PGGT1B: variants seen among roughly 807,000 people sequenced by gnomAD.
PGGT1B encodes the protein protein geranylgeranyltransferase type I subunit beta, also known as geranylgeranyl transferase type-1 subunit beta.
PGGT1B carries 30 observed loss-of-function variants against 46.1 expected under a neutral mutation model. The ratio of observed to expected loss-of-function variants is 0.65; its 90% CI spans 0.49 to 0.88. PGGT1B has a LOEUF of 0.88. PGGT1B is among the 40% of genes least tolerant of loss of function. The pLI is 0.00. For missense variants in PGGT1B, 376 were observed against 455.9 expected (o/e 0.82, Z 1.60); for synonymous variants, 170 against 160.0 (o/e 1.06, Z -0.47).
chr5:115,239,572 T>C (rs989568083), intron 3 of PGGT1B, among the ~76,000 whole-genome samples: 5 of 152,246 alleles, frequency 3.3e-5, no homozygotes, highest in Non-Finnish European at 7.3e-5. Context: ...ATAAATTAAA[T>C]GTGGTCCTTA....
intron 3 of PGGT1B, among the ~76,000 whole-genome samples, chr5:115,238,874 G>A (rs1014712116): frequency 3.3e-5 from 5 of 152,022 alleles, no homozygotes; most frequent in Non-Finnish European, 5.9e-5. Flanking sequence ...AATATCAGAC[G>A]GACCACTAGT....
At chr5:115,257,629 C>T (rs185650324) in intron 1 of PGGT1B, among the ~76,000 whole-genome samples, 1 of 150,360 alleles carries the variant, frequency 6.7e-6, no homozygotes, top group African/African-American at 2.4e-5. Context: ...ACTGAAAACA[C>T]TAATTTATGA....
chr5:115,252,649 T>C (rs959891605), intron 2 of PGGT1B, among the ~76,000 whole-genome samples: 1 of 152,000 alleles, frequency 6.6e-6, no homozygotes, highest in Non-Finnish European at 1.5e-5. Flanking sequence ...AGTTTTTAAG[T>C]GTTAAGTGTA....
chr5:115,251,113 C>CT (rs1748074785), intron 2 of PGGT1B, among the ~76,000 whole-genome samples: 1 of 152,044 alleles, frequency 6.6e-6, no homozygotes, highest in Non-Finnish European at 1.5e-5. Context: ...TTAATTTCTG[C>CT]TGAGTATACA....
intron 2 of PGGT1B, among the ~76,000 whole-genome samples, chr5:115,243,456 T>C (rs1431614658): frequency 6.6e-6 from 1 of 152,196 alleles, no homozygotes; most frequent in Non-Finnish European, 1.5e-5. Context: ...AAAATAAATG[T>C]GCATTTTTAT....
chr5:115,223,626 G>C (rs1485899487), intron 6 of PGGT1B, among the ~76,000 whole-genome samples: 2 of 152,140 alleles, frequency 1.3e-5, no homozygotes, highest in African/African-American at 4.8e-5. Context: ...TTCAGACTTA[G>C]TTACAGATGT....
Position 115,253,244 on chromosome 5 carries a change from G to A in PGGT1B, c.152C>T (p.Ala51Val). The change falls in exon 2 of 9, where the codon GCA (alanine) becomes GTA (valine). Residue 51 changes from alanine (A) to valine (V), a missense_variant. This residue lies in a region of PGGT1B where 154 missense variants were observed against 142.3 expected (regional missense o/e 1.08). Coordinates refer to ENST00000419445, the MANE Select transcript of PGGT1B (RefSeq NM_005023.4). ...ATCCAGCCCGGAGAGTGCAAAAAAT[G>A]CAATTGTCAACCTAAAAGAAAAAAA... The part of the protein sequence containing the change: ...SSLETSRLTI[A>V]FFALSGLDML... The A allele has an allele frequency of 3.2e-6, 5 of 1,572,176 alleles. No individual in the cohort carries two copies. The highest frequency in any genetic ancestry group is 3.4e-6 in the Non-Finnish European group (4 of 1,165,206).
intron 7 of PGGT1B, among the ~76,000 whole-genome samples, chr5:115,218,662 T>G (rs564886768): frequency 4.6e-5 from 7 of 151,650 alleles, no homozygotes; most frequent in African/African-American, 1.7e-4. Flanking sequence ...AATTCTTCTT[T>G]AAAAAACAAT....
Position 115,256,013 on chromosome 5 carries a change from G to C in PGGT1B, c.141-2758C>G, listed in dbSNP as rs1022416479. ...ACAATCAAATCTATGGGTGTAAGGT[G>C]GGGTCTGGGCCCTTTCGGTTTGTTT... On this transcript the variant is annotated intron_variant, in intron 1 of 8. Transcript: ENST00000419445. Among the ~76,000 whole-genome samples, 11 of 152,272 alleles carry C rather than the reference G, an allele frequency of 7.2e-5. 1 individual carries two copies. Among genetic ancestry groups the C allele is most frequent in the Admixed American group, 2.0e-4 (3 of 15,306 alleles).
At chr5:115,230,833 G>A (rs1756955991) in intron 6 of PGGT1B, 143 bp downstream of exon 6, 3 of 617,082 alleles carry the variant, frequency 4.9e-6, no homozygotes, top group Non-Finnish European at 8.8e-6. Flanking sequence ...GGTGTCAAAA[G>A]AGAATCAGGA....
chr5:115,236,305 G>A (rs1217488689), intron 5 of PGGT1B, 85 bp downstream of exon 5: 50 of 965,214 alleles, frequency 5.2e-5, no homozygotes, highest in East Asian at 8.6e-5. Context: ...AATTGTTGGC[G>A]GAAGAGATGA....
intron 1 of PGGT1B, among the ~76,000 whole-genome samples, chr5:115,258,941 CA>C (rs757303502): frequency 3.3e-5 from 5 of 152,322 alleles, no homozygotes; most frequent in Admixed American, 2.0e-4. Context: ...ATTAGATTTA[CA>C]GTTCCCATAA....
chr5:115,257,638 G>A (rs17137584), intron 1 of PGGT1B, among the ~76,000 whole-genome samples: 19,828 of 151,512 alleles, frequency 0.13, 2,001 homozygotes, highest in African/African-American at 0.28. Context: ...ACTAATTTAT[G>A]AGAGTTGACT....
intron 6 of PGGT1B, among the ~76,000 whole-genome samples, chr5:115,227,269 C>T (rs1756818994): frequency 6.6e-6 from 1 of 152,168 alleles, no homozygotes; most frequent in African/African-American, 2.4e-5. Context: ...TGGTTTTCTA[C>T]TGTGTCAACT....
chr5:115,220,665 G>A (rs1173088686), intron 7 of PGGT1B, among the ~76,000 whole-genome samples: 2 of 151,884 alleles, frequency 1.3e-5, no homozygotes, highest in African/African-American at 2.4e-5. Flanking sequence ...GATATTACAT[G>A]CCTCTTGATG....
Position 115,204,268 on chromosome 5 carries a change from A to C in PGGT1B, c.*8134T>G, listed in dbSNP as rs1013741027. On this transcript the variant is annotated 3_prime_UTR_variant, in exon 9 of 9. Coordinates refer to ENST00000419445, the MANE Select transcript of PGGT1B (RefSeq NM_005023.4). The stretch of plus-strand genomic sequence containing the variant: ...CACTTGGAGGGCTTGTTTAAAACAC[A>C]AATGTCTAACCCTACCCCCAGAGTT... The C allele has an allele frequency of 6.6e-6, 1 of 152,152 alleles. No homozygotes were observed. The highest frequency in any genetic ancestry group is 2.4e-5 in the African/African-American group (1 of 41,434). 9.4% of individuals were successfully genotyped at this position (152,152 alleles called of 1,614,324 possible).
chr5:115,229,419 G>A (rs143543870), intron 6 of PGGT1B, among the ~76,000 whole-genome samples: 73 of 152,240 alleles, frequency 4.8e-4, no homozygotes, highest in Middle Eastern at 3.4e-3. Context: ...ATAGATAGAA[G>A]GAAGATATAC....
At position 115,262,042 on chromosome 5, in the gene PGGT1B, A is replaced by G. The variant is rs191046331; in HGVS notation, c.140+670T>C. 3.8e-3 allele frequency among the ~76,000 whole-genome samples: 582 copies of G among 152,366 alleles called. 1 individual carries two copies. The highest frequency in any genetic ancestry group is 0.014 in the Middle Eastern group (4 of 294). On this transcript the variant is annotated intron_variant, in intron 1 of 8. Coordinates refer to ENST00000419445, the MANE Select transcript of PGGT1B (RefSeq NM_005023.4). ...CCGCTCTTTCCTCCCATCCAGTCTCAAGCAGCTTTTGAGCTTCACTTCAAA... is the reference window on the plus strand; with the variant it reads ...CCGCTCTTTCCTCCCATCCAGTCTCGAGCAGCTTTTGAGCTTCACTTCAAA...
At chr5:115,229,987 C>G (rs1445209704) in intron 6 of PGGT1B, among the ~76,000 whole-genome samples, 1 of 152,034 alleles carries the variant, frequency 6.6e-6, no homozygotes, top group African/African-American at 2.4e-5. Context: ...GGAGGAAATA[C>G]TTGATAGGAC....
Sources: gnomAD v4.1 joint callset for allele counts (sites outside exome capture counted in the v4.1 genomes callset) on GRCh38, gnomAD v4.1.1 for gene constraint, gnomAD v4.1.1 regional missense constraint, MANE v1.5 for transcripts, NCBI Gene and HGNC (gene_info 2026-07-23, HGNC 2026-07-21) for gene names.